Variants in FLRT1 observed in about 807,000 individuals in gnomAD.
FLRT1 encodes fibronectin leucine rich transmembrane protein 1.
Under a neutral mutation model 30.9 loss-of-function variants are expected in FLRT1, and 14 were observed. That is an observed-to-expected ratio of 0.45 (90% CI 0.30 to 0.71). The LOEUF (loss-of-function observed/expected upper bound fraction) is 0.71, where lower values mean the gene tolerates loss of function less well. Among genes scored for constraint, FLRT1 ranks in the 30% least tolerant of loss-of-function variants. The probability of loss-of-function intolerance (pLI) is 0.08; values close to 1 mark genes in which losing one functional copy is unlikely to be tolerated. For missense variants in FLRT1, 737 were observed against 949.2 expected (o/e 0.78, Z 2.94); for synonymous variants, 368 against 430.4 (o/e 0.85, Z 1.80).
chr11:64,086,916 G>C (rs1944406222), intron 1 of FLRT1: 1 of 152,214 alleles, frequency 6.6e-6, no homozygotes, highest in African/African-American at 2.4e-5. Context: ...CCTGGCAGGA[G>C]CTGTCACTGC....
chr11:64,085,446 C>T (rs530160406), intron 1 of FLRT1, among the ~76,000 whole-genome samples: 1 of 152,240 alleles, frequency 6.6e-6, no homozygotes, highest in African/African-American at 2.4e-5. Flanking sequence ...CCAGGCCCAA[C>T]CACGGGGCTG....
chr11:64,045,567 G>T (rs1465897359), intron 1 of FLRT1, among the ~76,000 whole-genome samples: 1 of 152,166 alleles, frequency 6.6e-6, no homozygotes, highest in East Asian at 1.9e-4. Context: ...TGGTAGGTAG[G>T]GGGTGAGGGT....
At chr11:64,079,054 C>T (rs547423966) in intron 1 of FLRT1, among the ~76,000 whole-genome samples, 1 of 137,796 alleles carries the variant, frequency 7.3e-6, no homozygotes, top group Admixed American at 7.8e-5. Context: ...AGCCGCTGTG[C>T]GGACAGACCG....
chr11:64,106,427 G>A (rs1440713263), intron 2 of FLRT1, among the ~76,000 whole-genome samples: 1 of 152,164 alleles, frequency 6.6e-6, no homozygotes, highest in Non-Finnish European at 1.5e-5. Context: ...CACTTTCTGT[G>A]CCAGGCTCCA....
intron 1 of FLRT1, chr11:64,086,960 C>T (rs1362725171): frequency 6.6e-6 from 1 of 152,148 alleles, no homozygotes; most frequent in African/African-American, 2.4e-5. Context: ...GAAGAGAAGC[C>T]TTTTGACGCA....
intron 2 of FLRT1, among the ~76,000 whole-genome samples, chr11:64,113,877 T>TGGAA (rs758047887): frequency 0.011 from 1,639 of 142,706 alleles, 37 homozygotes; most frequent in African/African-American, 0.036. Flanking sequence ...GATACATGGA[T>TGGAA]GGATGGATGG....
At chr11:64,065,241 G>A (rs1943975425) in intron 1 of FLRT1, among the ~76,000 whole-genome samples, 2 of 152,214 alleles carry the variant, frequency 1.3e-5, no homozygotes, top group Admixed American at 1.3e-4. Flanking sequence ...GTAGAGTGTT[G>A]AGCGATCGGA....
chr11:64,077,601 C>T (rs1364105471), intron 1 of FLRT1, among the ~76,000 whole-genome samples: 1 of 152,166 alleles, frequency 6.6e-6, no homozygotes, highest in Non-Finnish European at 1.5e-5. Context: ...CACCTAGACA[C>T]AGACTGACGG....
chr11:64,106,071 A>G (rs1944757838), intron 2 of FLRT1, among the ~76,000 whole-genome samples: 1 of 152,144 alleles, frequency 6.6e-6, no homozygotes, highest in African/African-American at 2.4e-5. Context: ...GCCAGCATCC[A>G]TATCAGTGGG....
At chr11:64,071,830 C>T (rs1357951535) in intron 1 of FLRT1, among the ~76,000 whole-genome samples, 3 of 152,090 alleles carry the variant, frequency 2.0e-5, no homozygotes, top group African/African-American at 2.4e-5. Context: ...TAAGGGGCAT[C>T]GAGACTCACC....
chr11:64,044,414 C>T (rs545920151), intron 1 of FLRT1, among the ~76,000 whole-genome samples: 20 of 152,150 alleles, frequency 1.3e-4, no homozygotes, highest in Non-Finnish European at 2.5e-4. Flanking sequence ...AACACACTGG[C>T]TAATTTTTTA....
At chr11:64,071,308 C>T (rs1286352611) in intron 1 of FLRT1, among the ~76,000 whole-genome samples, 1 of 152,156 alleles carries the variant, frequency 6.6e-6, no homozygotes, top group Non-Finnish European at 1.5e-5. Context: ...CAGGTGCTCC[C>T]TGATTCCAGC....
At chr11:64,060,080 A>T (rs1943869344) in intron 1 of FLRT1, among the ~76,000 whole-genome samples, 1 of 152,242 alleles carries the variant, frequency 6.6e-6, no homozygotes, top group South Asian at 2.1e-4. Flanking sequence ...AGACCAATTA[A>T]GCTGCCAATA....
At position 64,118,917 on chromosome 11, in the gene FLRT1, T is replaced by C. The variant is rs1298010836; in HGVS notation, c.*625T>C. 2 of 166,488 alleles carry C rather than the reference T, an allele frequency of 1.2e-5. No individual in the cohort carries two copies. The highest frequency in any genetic ancestry group is 4.8e-5 in the African/African-American group (2 of 41,278). 10.3% of individuals were successfully genotyped at this position (166,488 alleles called of 1,614,324 possible). Reference sequence around the variant, plus strand: ...TTTCACTGCATTCTTTGAACAATCATGTAGTCGATTAAAAAAAAAAAACAA... The same window carrying C: ...TTTCACTGCATTCTTTGAACAATCACGTAGTCGATTAAAAAAAAAAAACAA... On this transcript the variant is annotated 3_prime_UTR_variant, in exon 3 of 3. Transcript: ENST00000682287.
At chr11:64,101,535 C>T (rs1214296607) in intron 1 of FLRT1, among the ~76,000 whole-genome samples, 1 of 152,194 alleles carries the variant, frequency 6.6e-6, no homozygotes, top group East Asian at 1.9e-4. Flanking sequence ...CCCTGCCCCA[C>T]CCCCATCGGT....
intron 1 of FLRT1, among the ~76,000 whole-genome samples, chr11:64,091,182 C>T (rs1944483780): frequency 6.6e-6 from 1 of 151,590 alleles, no homozygotes; most frequent in African/African-American, 2.4e-5. Flanking sequence ...CCTAAGACTC[C>T]AGCTCCTGGG....
chr11:64,108,354 C>T (rs531462373), intron 2 of FLRT1, among the ~76,000 whole-genome samples: 1 of 151,986 alleles, frequency 6.6e-6, no homozygotes, highest in African/African-American at 2.4e-5. Context: ...GGCCACCCCA[C>T]AGTAGGCTGA....
Position 64,116,738 on chromosome 11 carries a change from C to A in FLRT1, c.471C>A (p.His157Gln), listed in dbSNP as rs1348763003. The A allele has an allele frequency of 1.9e-6, 3 of 1,613,632 alleles. No homozygotes were observed. The highest frequency in any genetic ancestry group is 2.5e-6 in the Non-Finnish European group (3 of 1,180,052). ...GCATCCCGCTGCTGGAGAAGCTGCA[C>A]CTGGATGACAACTCCGTGTCCACCG... ...LARIPLLEKLHLDDNSVSTVS... is the reference protein window; with the variant it reads ...LARIPLLEKLQLDDNSVSTVS... The change falls in exon 3 of 3, where the codon CAC becomes CAA. Residue 157 changes from histidine (H) to glutamine (Q), a missense_variant. By Grantham distance (24) the His-to-Gln change is conservative. Transcript: ENST00000682287.
At chr11:64,099,910 G>GGGAT (rs1419676206) in intron 1 of FLRT1, among the ~76,000 whole-genome samples, 1 of 151,564 alleles carries the variant, frequency 6.6e-6, no homozygotes, top group African/African-American at 2.4e-5. Flanking sequence ...GAAGGATGGA[G>GGGAT]GGATGGATGG....
Sources: gnomAD v4.1 joint callset for allele counts (sites outside exome capture counted in the v4.1 genomes callset) on GRCh38, gnomAD v4.1.1 for gene constraint, MANE v1.5 for transcripts, NCBI Gene and HGNC (gene_info 2026-07-23, HGNC 2026-07-21) for gene names.